FOCAD: variants seen among roughly 807,000 people sequenced by gnomAD.
The protein encoded by FOCAD is KIAA1797.
In FOCAD, 198 loss-of-function variants were observed where a neutral mutation model predicts 225.6. That is an observed-to-expected ratio of 0.88 (90% confidence interval 0.78 to 0.99). The LOEUF (loss-of-function observed/expected upper bound fraction) is 0.99, where lower values mean the gene tolerates loss of function less well. FOCAD is among the 50% of genes least tolerant of loss of function. FOCAD has a pLI of 0.00. For synonymous variants in FOCAD, 897 were observed against 755.0 expected (o/e 1.19, Z -3.08); for missense variants, 2,713 against 2,123.6 (o/e 1.28, Z -5.46).
chr9:20,976,489 A>G lies in FOCAD; in HGVS notation c.4202A>G (p.Tyr1401Cys). ...MKPIATVGES[Y>C]QYPPVNWAAL... ...CCCATAGCAACTGTTGGAGAAAGCT[A>G]CCAATATCCTCCTGTGAACTGGGCT... is the stretch of plus-strand genomic sequence containing the variant. The change falls in exon 36 of 44, where the codon TAC becomes TGC. Residue 1401 changes from tyrosine to cysteine, a missense_variant. Tyr to Cys is a radical substitution (Grantham distance 194). Coordinates refer to ENST00000338382, the MANE Select transcript of FOCAD (RefSeq NM_001375567.1). 1 of 1,613,332 alleles carries G rather than the reference A, an allele frequency of 6.2e-7. No individual in the cohort carries two copies. Among genetic ancestry groups the G allele is most frequent in the Non-Finnish European group, 8.5e-7 (1 of 1,179,404 alleles).
intron 24 of FOCAD, among the ~76,000 whole-genome samples, chr9:20,921,748 T>C (rs1014822072): frequency 2.0e-5 from 3 of 152,234 alleles, no homozygotes; most frequent in Non-Finnish European, 4.4e-5. Flanking sequence ...TTAAGAACAA[T>C]ACATACTCAG....
chr9:20,916,882 C>T lies in FOCAD; in HGVS notation c.2808-11C>T, dbSNP rs756933093. 1.9e-6 allele frequency: 3 copies of T among 1,599,320 alleles called. No homozygotes were observed. The highest frequency in any genetic ancestry group is 2.6e-6 in the Non-Finnish European group (3 of 1,175,076). ...ACATAAACTCTCGTCTATTTTCCAT[C>T]TTTATTGCAGGGTTAGAGACATGCT... On this transcript the variant is annotated splice_polypyrimidine_tract_variant and intron_variant, in intron 23 of 43. Coordinates refer to ENST00000338382, the MANE Select transcript of FOCAD (RefSeq NM_001375567.1).
intron 2 of FOCAD, among the ~76,000 whole-genome samples, chr9:20,671,260 C>T (rs1008757277): frequency 1.3e-5 from 2 of 151,556 alleles, no homozygotes; most frequent in Non-Finnish European, 2.9e-5. Flanking sequence ...ATTGAACTCT[C>T]GGTGGCAAAT....
chr9:20,743,533 G>A (rs1288258934), intron 5 of FOCAD, among the ~76,000 whole-genome samples: 6 of 152,164 alleles, frequency 3.9e-5, no homozygotes, highest in Admixed American at 2.0e-4. Context: ...AATGTTAGGC[G>A]GTGGTTTCCC....
chr9:20,811,576 T>G (rs1464917829), intron 11 of FOCAD, among the ~76,000 whole-genome samples: 2 of 152,062 alleles, frequency 1.3e-5, no homozygotes, highest in Non-Finnish European at 2.9e-5. Context: ...CTTCTTTAAT[T>G]ATAATGTTAG....
intron 28 of FOCAD, among the ~76,000 whole-genome samples, chr9:20,934,457 A>G (rs1314066968): frequency 6.6e-6 from 1 of 151,472 alleles, no homozygotes; most frequent in Non-Finnish European, 1.5e-5. Flanking sequence ...GCTTACATGT[A>G]TCTTACCAGT....
At chr9:20,842,531 T>C (rs1304081415) in intron 15 of FOCAD, among the ~76,000 whole-genome samples, 1 of 152,034 alleles carries the variant, frequency 6.6e-6, no homozygotes, top group Non-Finnish European at 1.5e-5. Context: ...TGAAATGTTT[T>C]GTCATTGCTC....
At chr9:20,793,915 G>A (rs561469374) in intron 11 of FOCAD, among the ~76,000 whole-genome samples, 6 of 152,306 alleles carry the variant, frequency 3.9e-5, no homozygotes, top group African/African-American at 1.2e-4. Flanking sequence ...AGGGAAGGGC[G>A]AAGTGGGGAT....
chr9:20,941,251 C>T (rs1181132785), intron 28 of FOCAD, among the ~76,000 whole-genome samples: 1 of 152,200 alleles, frequency 6.6e-6, no homozygotes, highest in African/African-American at 2.4e-5. Flanking sequence ...GTGAGCCTAT[C>T]ACTAAGATTT....
At chr9:20,956,132 C>T (rs904406175) in intron 35 of FOCAD, among the ~76,000 whole-genome samples, 5 of 152,200 alleles carry the variant, frequency 3.3e-5, no homozygotes, top group Non-Finnish European at 5.9e-5. Context: ...GGCTTGGATA[C>T]GAAGTACAGG....
At chr9:20,774,921 T>C (rs1261849223) in intron 8 of FOCAD, among the ~76,000 whole-genome samples, 1 of 152,194 alleles carries the variant, frequency 6.6e-6, no homozygotes, top group Non-Finnish European at 1.5e-5. Context: ...TTAGTGTTCC[T>C]GAGGTTAAAA....
In FOCAD at chr9:20,756,704, A is replaced by G. The variant is rs554817477; in HGVS notation, c.393-1386A>G. On this transcript the variant is annotated intron_variant, in intron 5 of 43. Transcript: ENST00000338382. ...TAGGGCTTGAGAATTTGCATTTCTA[A>G]CAAGTTCCCAGTTGATCTTACTAGT... 2.0e-5 allele frequency among the ~76,000 whole-genome samples: 3 copies of G among 152,172 alleles called. No homozygotes were observed. The South Asian group carries it at 6.2e-4, about 32-fold the overall frequency.
chr9:20,683,253 C>T (rs191858588), upstream of FOCAD: 1 of 152,286 alleles, frequency 6.6e-6, no homozygotes, highest in Admixed American at 6.5e-5. Flanking sequence ...ATATCAATGT[C>T]AAGATCTGGC....
intron 35 of FOCAD, among the ~76,000 whole-genome samples, chr9:20,975,007 C>A (rs4977862): frequency 0.35 from 53,055 of 151,972 alleles, 9,524 homozygotes; most frequent in East Asian, 0.46. Context: ...CCTTTTTCAG[C>A]ATCTTCTGAT....
chr9:20,801,913 T>C (rs1056490277), intron 11 of FOCAD, among the ~76,000 whole-genome samples: 3 of 152,114 alleles, frequency 2.0e-5, no homozygotes, highest in Admixed American at 2.0e-4. Flanking sequence ...TTACCAGAAG[T>C]GTCGAGTGCA....
intron 4 of FOCAD, among the ~76,000 whole-genome samples, chr9:20,725,955 C>G (rs1029605458): frequency 6.6e-6 from 1 of 151,978 alleles, no homozygotes; most frequent in Admixed American, 6.6e-5. Flanking sequence ...CTAAAATGTT[C>G]TTTTCATCAG....
At chr9:20,888,331 G>T (rs373843410) in intron 21 of FOCAD, among the ~76,000 whole-genome samples, 9 of 151,700 alleles carry the variant, frequency 5.9e-5, no homozygotes, top group African/African-American at 2.2e-4. Flanking sequence ...TAGAGACGGG[G>T]TTTCACCATG....
At chr9:20,720,135 GC>G (rs1280374251) in intron 3 of FOCAD, among the ~76,000 whole-genome samples, 1 of 152,164 alleles carries the variant, frequency 6.6e-6, no homozygotes, top group Non-Finnish European at 1.5e-5. Flanking sequence ...ACCTCTGCCT[GC>G]AGCCAGCCTT....
chr9:20,705,852 C>G (rs980944485), intron 1 of FOCAD, among the ~76,000 whole-genome samples: 5 of 150,738 alleles, frequency 3.3e-5, no homozygotes, highest in African/African-American at 4.9e-5. Flanking sequence ...ATATACATAT[C>G]CATATGCCAC....
Sources: allele counts gnomAD v4.1 joint callset (sites outside exome capture counted in the v4.1 genomes callset), GRCh38; gene constraint gnomAD v4.1.1; transcripts MANE v1.5; gene names NCBI Gene and HGNC (gene_info 2026-07-23, HGNC 2026-07-21).